SH3RF3: variants seen among roughly 807,000 people sequenced by gnomAD.
The protein encoded by SH3RF3 is E3 ubiquitin-protein ligase SH3RF3.
Under a neutral mutation model 66.3 loss-of-function variants are expected in SH3RF3, and 29 were observed. The observed-to-expected ratio is 0.44, with a 90% CI of 0.33 to 0.60. The LOEUF (loss-of-function observed/expected upper bound fraction) is 0.60, where lower values mean the gene tolerates loss of function less well. Ranked by LOEUF, SH3RF3 falls within the 20% of genes least tolerant of loss-of-function variation. The probability of loss-of-function intolerance (pLI) is 0.04; values close to 1 mark genes in which losing one functional copy is unlikely to be tolerated. For synonymous variants in SH3RF3, 583 were observed against 532.0 expected, an observed-to-expected ratio of 1.10 and a Z score of -1.32; for missense variants, 1,194 against 1,190.9, an observed-to-expected ratio of 1.00 and a Z score of -0.04.
chr2:109,191,605 C>T (rs899807569), intron 1 of SH3RF3, among the ~76,000 whole-genome samples: 39 of 152,184 alleles, frequency 2.6e-4, no homozygotes, highest in African/African-American at 9.2e-4. Context: ...CCCACCCTTT[C>T]ACATGAAGAA....
intron 1 of SH3RF3, among the ~76,000 whole-genome samples, chr2:109,177,979 A>G (rs768353277): frequency 9.9e-5 from 15 of 152,216 alleles, no homozygotes; most frequent in Non-Finnish European, 1.9e-4. Flanking sequence ...ATCATCTAAC[A>G]TAATCAGAAA....
intron 2 of SH3RF3, among the ~76,000 whole-genome samples, chr2:109,367,190 C>T (rs111719323): frequency 0.13 from 20,083 of 150,068 alleles, 1,472 homozygotes; most frequent in Middle Eastern, 0.24. Flanking sequence ...TCTCGAACTC[C>T]TGGCCTCAAG....
rs974604988 is a variant in SH3RF3 at position 109,300,182 on chromosome 2, C to T, written c.574-47492C>T. On this transcript the variant is annotated intron_variant, in intron 1 of 9. Transcript: ENST00000309415. Reference sequence around the variant, plus strand: ...GAATAATGGCCCTGAGATATGCTCTCGAGAGGGCATCCTGAAATTTTTTTT... The same window carrying T: ...GAATAATGGCCCTGAGATATGCTCTTGAGAGGGCATCCTGAAATTTTTTTT... 7.9e-5 allele frequency among the ~76,000 whole-genome samples: 12 copies of T among 152,126 alleles called. No individual in the cohort carries two copies. In the East Asian group the frequency reaches 9.7e-4, roughly 12 times the overall value.
At chr2:109,314,830 A>G (rs1681833670) in intron 1 of SH3RF3, among the ~76,000 whole-genome samples, 2 of 152,246 alleles carry the variant, frequency 1.3e-5, no homozygotes, top group Admixed American at 1.3e-4. Context: ...TCTAGTGAAT[A>G]GGAGAATCAG....
At chr2:109,367,517 G>C (rs1262671833) in intron 2 of SH3RF3, among the ~76,000 whole-genome samples, 1 of 150,822 alleles carries the variant, frequency 6.6e-6, no homozygotes, top group Non-Finnish European at 1.5e-5. Context: ...CCTGACCTCA[G>C]GTGATCCACC....
intron 7 of SH3RF3, among the ~76,000 whole-genome samples, chr2:109,448,563 T>G (rs1293541488): frequency 6.6e-6 from 1 of 152,178 alleles, no homozygotes; most frequent in Non-Finnish European, 1.5e-5. Context: ...GGTTGCACGC[T>G]CCTTATGAGA....
chr2:109,266,134 T>C (rs1203897488), intron 1 of SH3RF3, among the ~76,000 whole-genome samples: 7 of 151,692 alleles, frequency 4.6e-5, no homozygotes, highest in Admixed American at 1.3e-4. Context: ...CAGTGTGTTG[T>C]AGGTGCATGT....
At chr2:109,248,072 C>A (rs1679964737) in intron 1 of SH3RF3, among the ~76,000 whole-genome samples, 1 of 152,216 alleles carries the variant, frequency 6.6e-6, no homozygotes, top group African/African-American at 2.4e-5. Flanking sequence ...ATCCAGGGAA[C>A]ATGAATCAAT....
chr2:109,348,521 A>T (rs1682767635), intron 2 of SH3RF3, among the ~76,000 whole-genome samples: 4 of 152,164 alleles, frequency 2.6e-5, no homozygotes. Flanking sequence ...ATTGAGTAGG[A>T]GGGTTGGGTG....
At chr2:109,138,365 G>C (rs1474850084) in intron 1 of SH3RF3, among the ~76,000 whole-genome samples, 2 of 152,218 alleles carry the variant, frequency 1.3e-5, no homozygotes, top group African/African-American at 4.8e-5. Context: ...TAGGGAGAAA[G>C]TAGTGGGGTT....
chr2:109,488,431 G>A (rs372296904), intron 8 of SH3RF3, among the ~76,000 whole-genome samples: 3 of 152,244 alleles, frequency 2.0e-5, no homozygotes, highest in East Asian at 3.9e-4. Context: ...CCCACCCCAG[G>A]TACTGCAGTT....
intron 7 of SH3RF3, among the ~76,000 whole-genome samples, chr2:109,446,439 A>T (rs148697913): frequency 6.6e-6 from 1 of 152,210 alleles, no homozygotes; most frequent in Non-Finnish European, 1.5e-5. Context: ...TCCAGCGAAC[A>T]TGTAAATTAC....
intron 4 of SH3RF3, among the ~76,000 whole-genome samples, chr2:109,406,046 T>C (rs1188875581): frequency 1.3e-5 from 2 of 152,238 alleles, no homozygotes; most frequent in African/African-American, 4.8e-5. Context: ...TGCGGGGCTC[T>C]GGCTGAAGGT....
intron 1 of SH3RF3, among the ~76,000 whole-genome samples, chr2:109,198,765 T>C (rs1025697261): frequency 4.6e-5 from 7 of 152,142 alleles, no homozygotes; most frequent in African/African-American, 1.7e-4. Context: ...AGGCCTCACC[T>C]CCTGATACCA....
chr2:109,503,496 AAAG>A lies in SH3RF3; in HGVS notation c.*1831_*1833del, dbSNP rs1679449996. The A allele has an allele frequency of 6.6e-6, 1 of 152,214 alleles. No homozygotes were observed. Among genetic ancestry groups the A allele is most frequent in the Admixed American group, 6.5e-5 (1 of 15,286 alleles). 9.4% of individuals were successfully genotyped at this position (152,214 alleles called of 1,614,324 possible). On this transcript the variant is annotated 3_prime_UTR_variant, in exon 10 of 10. Coordinates refer to ENST00000309415, the MANE Select transcript of SH3RF3 (RefSeq NM_001099289.3). Reference sequence around the variant, plus strand: ...AGACTCAAAGAAGTTGTTCAGAATCAAAGAAGAAAAAGTCTGGCTTAAACATAG... The same window carrying A: ...AGACTCAAAGAAGTTGTTCAGAATCAAAGAAAAAGTCTGGCTTAAACATAG...
chr2:109,413,633 G>A (rs1437505282), intron 4 of SH3RF3, among the ~76,000 whole-genome samples: 3 of 152,188 alleles, frequency 2.0e-5, no homozygotes, highest in Non-Finnish European at 2.9e-5. Flanking sequence ...GTATGAGAAC[G>A]TCTCTGGCCC....
chr2:109,503,090 T>C lies in SH3RF3; in HGVS notation c.*1419T>C, dbSNP rs1188967744. On this transcript the variant is annotated 3_prime_UTR_variant, in exon 10 of 10. Transcript: ENST00000309415. ...GATGAATGTATATTCATTAGCACCATGGCTCACTTCCCAGGAAGACTGATC... is the reference window on the plus strand; with the variant it reads ...GATGAATGTATATTCATTAGCACCACGGCTCACTTCCCAGGAAGACTGATC... 6.6e-6 allele frequency: 1 copy of C among 152,180 alleles called. No individual in the cohort carries two copies. Among genetic ancestry groups the C allele is most frequent in the African/African-American group, 2.4e-5 (1 of 41,438 alleles). The allele number at this position is 152,180 out of a possible 1,614,324, so 9.4% of individuals were successfully genotyped here.
intron 8 of SH3RF3, among the ~76,000 whole-genome samples, chr2:109,458,495 C>A (rs1678119941): frequency 6.6e-6 from 1 of 150,986 alleles, no homozygotes; most frequent in South Asian, 2.1e-4. Flanking sequence ...TCTTTTTGTA[C>A]TCATGGGAAT....
intron 3 of SH3RF3, among the ~76,000 whole-genome samples, chr2:109,371,976 C>A (rs1683282783): frequency 6.6e-6 from 1 of 152,176 alleles, no homozygotes; most frequent in Non-Finnish European, 1.5e-5. Context: ...TCTCAAGGGA[C>A]CCCTGCGCCT....
Sources: gnomAD v4.1 joint callset for allele counts (sites outside exome capture counted in the v4.1 genomes callset) on GRCh38, gnomAD v4.1.1 for gene constraint, MANE v1.5 for transcripts, NCBI Gene and HGNC (gene_info 2026-07-23, HGNC 2026-07-21) for gene names.